FHIT: variants seen among roughly 807,000 people sequenced by gnomAD.
FHIT encodes fragile histidine triad diadenosine triphosphatase.
A neutral mutation model predicts 17.9 loss-of-function variants in FHIT; 19 were observed. The ratio of observed to expected loss-of-function variants is 1.06; its 90% CI spans 0.74 to 1.56. The LOEUF is 1.56. Ranked by LOEUF, FHIT falls within the 40% of genes most tolerant of loss-of-function variation. The pLI is 0.00. For synonymous variants in FHIT, 81 were observed against 69.7 expected (o/e 1.16, Z -0.81); for missense variants, 248 against 189.2 (o/e 1.31, Z -1.82).
intron 5 of FHIT, among the ~76,000 whole-genome samples, chr3:60,462,301 C>T (rs2032523039): frequency 6.6e-6 from 1 of 152,178 alleles, no homozygotes; most frequent in African/African-American, 2.4e-5. Flanking sequence ...TCCCCTTTTA[C>T]AGAGGAGCCA....
intron 3 of FHIT, among the ~76,000 whole-genome samples, chr3:60,868,338 T>G (rs1704253199): frequency 6.6e-6 from 1 of 152,160 alleles, no homozygotes; most frequent in African/African-American, 2.4e-5. Context: ...TGAAATTCCT[T>G]CAAAGCTATC....
At chr3:61,201,581 T>C (rs2039014339) in intron 1 of FHIT, among the ~76,000 whole-genome samples, 1 of 152,130 alleles carries the variant, frequency 6.6e-6, no homozygotes, top group Non-Finnish European at 1.5e-5. Context: ...TAGCTTTTAC[T>C]GGGCTGTTTC....
At chr3:60,287,901 A>C (rs578148350) in intron 5 of FHIT, among the ~76,000 whole-genome samples, 131 of 142,340 alleles carry the variant, frequency 9.2e-4, no homozygotes, top group African/African-American at 3.3e-3. Flanking sequence ...TCAGTTATCT[A>C]TTGCTACTTG....
intron 3 of FHIT, among the ~76,000 whole-genome samples, chr3:60,861,177 G>GAGATATATATCATATATATCATATATATC: frequency 1.2e-4 from 2 of 16,424 alleles, no homozygotes; most frequent in African/African-American, 3.8e-4. Flanking sequence ...TATGTTCTAT[G>GAGATATATATCATATATATCATATATATC]ATATATATGA....
chr3:60,455,337 T>C (rs1045522737), intron 5 of FHIT, among the ~76,000 whole-genome samples: 1 of 152,138 alleles, frequency 6.6e-6, no homozygotes, highest in Non-Finnish European at 1.5e-5. Flanking sequence ...GACTTTGAGG[T>C]CTTTTCCCTC....
At chr3:60,130,984 C>CATATATACACATATATATATATGTGT (rs1699547997) in intron 5 of FHIT, among the ~76,000 whole-genome samples, 1 of 90,086 alleles carries the variant, frequency 1.1e-5, no homozygotes, top group African/African-American at 3.7e-5. Flanking sequence ...TATATATACA[C>CATATATACACATATATATATATGTGT]ATATATACAC....
At chr3:60,021,866 A>G (rs1458498674) in intron 5 of FHIT, among the ~76,000 whole-genome samples, 1 of 152,204 alleles carries the variant, frequency 6.6e-6, no homozygotes, top group African/African-American at 2.4e-5. Context: ...CCCTGCTTCC[A>G]CGGGATGCTG....
intron 5 of FHIT, among the ~76,000 whole-genome samples, chr3:60,407,921 G>C (rs1183531367): frequency 6.6e-6 from 1 of 152,088 alleles, no homozygotes; most frequent in Non-Finnish European, 1.5e-5. Flanking sequence ...ATAAAATGAA[G>C]AGTATCACAC....
intron 4 of FHIT, among the ~76,000 whole-genome samples, chr3:60,669,052 A>G (rs2040450835): frequency 1.3e-5 from 2 of 152,142 alleles, no homozygotes; most frequent in Admixed American, 6.5e-5. Flanking sequence ...AGATCTTATT[A>G]TAATTATTTG....
Position 61,057,077 on chromosome 3 carries a change from T to A in FHIT, c.-163-14978A>T, listed in dbSNP as rs146092541. Among the ~76,000 whole-genome samples the A allele has an allele frequency of 1.3e-4, 20 of 152,344 alleles. No homozygotes were observed. In the East Asian group the frequency reaches 3.9e-3, roughly 29 times the overall value. On this transcript the variant is annotated intron_variant, in intron 2 of 9. Coordinates refer to ENST00000492590, the MANE Select transcript of FHIT (RefSeq NM_002012.4). ...CACACAGCCTAGGCTAACACAAACA[T>A]GACAAGCTGTGTAGAACCTTTGACA...
intron 5 of FHIT, among the ~76,000 whole-genome samples, chr3:60,219,327 C>T (rs948718698): frequency 1.3e-5 from 2 of 151,902 alleles, no homozygotes; most frequent in East Asian, 1.9e-4. Context: ...TTGTAATAGC[C>T]CTATACTTTG....
At chr3:60,360,884 A>T (rs898408154) in intron 5 of FHIT, among the ~76,000 whole-genome samples, 1 of 152,126 alleles carries the variant, frequency 6.6e-6, no homozygotes, top group African/African-American at 2.4e-5. Context: ...CTCCAACACG[A>T]TTCATTTTGA....
At chr3:60,599,649 A>C (rs1553668059) in intron 4 of FHIT, among the ~76,000 whole-genome samples, 1 of 149,764 alleles carries the variant, frequency 6.7e-6, no homozygotes, top group Non-Finnish European at 1.5e-5. Context: ...TCACAACTGT[A>C]CTCCCAAGGA....
chr3:60,483,766 T>C (rs372414035), intron 5 of FHIT, among the ~76,000 whole-genome samples: 102 of 152,016 alleles, frequency 6.7e-4, no homozygotes, highest in African/African-American at 2.3e-3. Flanking sequence ...TAAAAACTGA[T>C]ACAAACAAGG....
chr3:60,630,127 C>T (rs1409667626), intron 4 of FHIT, among the ~76,000 whole-genome samples: 1 of 152,164 alleles, frequency 6.6e-6, no homozygotes, highest in African/African-American at 2.4e-5. Context: ...CTAAAGGACT[C>T]TATCAATAAA....
intron 5 of FHIT, among the ~76,000 whole-genome samples, chr3:60,093,218 T>C (rs577753411): frequency 8.3e-4 from 126 of 152,208 alleles, no homozygotes; most frequent in Non-Finnish European, 1.4e-3. Context: ...TAAAATCAAG[T>C]TGTGCGCAGA....
intron 8 of FHIT, among the ~76,000 whole-genome samples, chr3:59,797,131 GAGA>G (rs1459186001): frequency 4.9e-5 from 6 of 122,412 alleles, no homozygotes; most frequent in African/African-American, 1.4e-4. Context: ...AAGGAAAACA[GAGA>G]AGTTTTCCAT....
chr3:60,379,094 C>G (rs964149933), intron 5 of FHIT, among the ~76,000 whole-genome samples: 3 of 152,138 alleles, frequency 2.0e-5, no homozygotes, highest in Non-Finnish European at 2.9e-5. Flanking sequence ...AAAATGAGAG[C>G]ACATTACTAC....
At chr3:61,234,231 A>G (rs1478522053) in intron 1 of FHIT, among the ~76,000 whole-genome samples, 5 of 152,166 alleles carry the variant, frequency 3.3e-5, no homozygotes, top group African/African-American at 1.2e-4. Context: ...AAGAAAAACC[A>G]GGCAGCTACT....
Sources: gnomAD v4.1 joint callset for allele counts (sites outside exome capture counted in the v4.1 genomes callset) on GRCh38, gnomAD v4.1.1 for gene constraint, MANE v1.5 for transcripts, NCBI Gene and HGNC (gene_info 2026-07-23, HGNC 2026-07-21) for gene names.